PDE10A: variants seen among roughly 807,000 people sequenced by gnomAD.
PDE10A encodes the protein phosphodiesterase 10A.
A neutral mutation model predicts 97.7 loss-of-function variants in PDE10A; 39 were observed. The ratio of observed to expected loss-of-function variants is 0.40; its 90% CI spans 0.31 to 0.52. The LOEUF (loss-of-function observed/expected upper bound fraction) is 0.52, where lower values mean the gene tolerates loss of function less well. Ranked by LOEUF, PDE10A falls within the 20% of genes least tolerant of loss-of-function variation. PDE10A has a pLI of 0.56. For synonymous variants in PDE10A, 371 were observed against 376.8 expected, an observed-to-expected ratio of 0.98 and a Z score of 0.18; for missense variants, 731 against 1,047.8, an observed-to-expected ratio of 0.70 and a Z score of 4.17.
chr6:165,552,427 CTGTT>C (rs778407013), intron 1 of PDE10A, among the ~76,000 whole-genome samples: 79 of 152,332 alleles, frequency 5.2e-4, no homozygotes, highest in African/African-American at 1.7e-3. Flanking sequence ...TGTGCCTAGA[CTGTT>C]TGTGCATTTG....
chr6:165,419,083 G>C (rs1036600889), intron 10 of PDE10A, among the ~76,000 whole-genome samples: 5 of 152,138 alleles, frequency 3.3e-5, no homozygotes, highest in African/African-American at 1.2e-4. Context: ...GTTTTAGTTG[G>C]TAAGCAGCTG....
chr6:165,438,348 C>A (rs1003058561), intron 5 of PDE10A, among the ~76,000 whole-genome samples: 1 of 152,096 alleles, frequency 6.6e-6, no homozygotes, highest in Non-Finnish European at 1.5e-5. Flanking sequence ...GCCACCACGC[C>A]CAGCTAATTT....
intron 1 of PDE10A, among the ~76,000 whole-genome samples, chr6:165,825,016 G>T (rs1318332110): frequency 6.7e-6 from 1 of 150,212 alleles, no homozygotes; most frequent in Non-Finnish European, 1.5e-5. Flanking sequence ...GGGCATGGTG[G>T]CAGTCACCTG....
At chr6:165,346,176 G>A (rs1458016095) in intron 18 of PDE10A, among the ~76,000 whole-genome samples, 1 of 152,138 alleles carries the variant, frequency 6.6e-6, no homozygotes, top group Non-Finnish European at 1.5e-5. Context: ...GATCACTCAG[G>A]TCTGCTGGGT....
intron 17 of PDE10A, among the ~76,000 whole-genome samples, chr6:165,386,972 C>T (rs1283571122): frequency 2.0e-5 from 3 of 151,834 alleles, no homozygotes; most frequent in Non-Finnish European, 4.4e-5. Context: ...GCCCAGATCG[C>T]GCCACTGCAC....
intron 1 of PDE10A, among the ~76,000 whole-genome samples, chr6:165,738,143 C>T (rs939553712): frequency 2.7e-4 from 39 of 146,190 alleles, no homozygotes; most frequent in African/African-American, 9.1e-4. Flanking sequence ...GGTATATCTC[C>T]CAGTGCTATC....
intron 1 of PDE10A, among the ~76,000 whole-genome samples, chr6:165,826,943 G>A (rs1378710156): frequency 6.6e-6 from 1 of 151,982 alleles, no homozygotes; most frequent in African/African-American, 2.4e-5. Context: ...GGAAGGGGCA[G>A]GGAGGTAGGA....
rs574929005 is a variant in PDE10A, at chr6:165,824,244, A to T, written c.-615+163285T>A. Among the ~76,000 whole-genome samples the T allele has an allele frequency of 3.9e-4, 60 of 152,328 alleles. 1 individual carries two copies. Among genetic ancestry groups the T allele is most frequent in the African/African-American group, 1.4e-3 (58 of 41,570 alleles). On this transcript the variant is annotated intron_variant, in intron 1 of 19. Transcript: ENST00000366882. ...TTCATTAAAACTTGTGTTCACTAAA[A>T]CTTCTTAATAGCCGTTCAGTTTTCA... is the stretch of plus-strand genomic sequence containing the variant.
chr6:165,377,510 T>C (rs1784681034), intron 18 of PDE10A, among the ~76,000 whole-genome samples: 1 of 152,226 alleles, frequency 6.6e-6, no homozygotes, highest in Non-Finnish European at 1.5e-5. Flanking sequence ...ACCACGTATG[T>C]ACATGGGTAC....
At chr6:165,829,499 A>G (rs921437383) in intron 1 of PDE10A, among the ~76,000 whole-genome samples, 5 of 152,216 alleles carry the variant, frequency 3.3e-5, no homozygotes, top group African/African-American at 1.2e-4. Context: ...ATGAGGATGT[A>G]CTAAGATGAG....
intron 3 of PDE10A, among the ~76,000 whole-genome samples, chr6:165,466,699 C>G (rs1778672626): frequency 1.3e-5 from 2 of 152,134 alleles, no homozygotes; most frequent in African/African-American, 4.8e-5. Flanking sequence ...TAACTATTCT[C>G]CCATCTCCCC....
intron 1 of PDE10A, among the ~76,000 whole-genome samples, chr6:165,934,485 A>G (rs573376620): frequency 1.7e-3 from 260 of 151,876 alleles, no homozygotes; most frequent in Non-Finnish European, 3.0e-3. Context: ...ACAAAAAAAA[A>G]CCCTCTGGAT....
intron 1 of PDE10A, among the ~76,000 whole-genome samples, chr6:165,758,524 AGAAGAAGAG>A (rs1343594026): frequency 1.2e-3 from 181 of 146,214 alleles, no homozygotes; most frequent in African/African-American, 4.0e-3. Flanking sequence ...AAGAAGAAGA[AGAAGAAGAG>A]GAAGAGGAAG....
intron 1 of PDE10A, among the ~76,000 whole-genome samples, chr6:165,921,476 T>C (rs1474170823): frequency 2.0e-5 from 3 of 152,172 alleles, no homozygotes; most frequent in Non-Finnish European, 4.4e-5. Flanking sequence ...AATTTTAGAA[T>C]CATTTGATGT....
chr6:165,526,875 A>G (rs972069058), intron 2 of PDE10A, among the ~76,000 whole-genome samples: 2 of 152,210 alleles, frequency 1.3e-5, no homozygotes, highest in African/African-American at 2.4e-5. Flanking sequence ...CCTCAGGAGT[A>G]TATCACCTCT....
chr6:165,402,552 C>G (rs1295972678), intron 13 of PDE10A, among the ~76,000 whole-genome samples: 1 of 152,072 alleles, frequency 6.6e-6, no homozygotes, highest in Non-Finnish European at 1.5e-5. Context: ...GCCTATAACA[C>G]TGCGTAAATA....
Position 165,906,328 on chromosome 6 carries a change from T to C in PDE10A, c.-615+81201A>G, listed in dbSNP as rs115114097. On this transcript the variant is annotated intron_variant, in intron 1 of 19. Transcript: ENST00000366882. ...ATTTCACACTTTTCCCAGCCTCCTA[T>C]GAACTCACGTCCTGAGATCCTTTCT... 3.2e-3 allele frequency among the ~76,000 whole-genome samples: 482 copies of C among 151,986 alleles called. 2 individuals carry two copies. The highest frequency in any genetic ancestry group is 0.011 in the African/African-American group (460 of 41,480).
intron 1 of PDE10A, among the ~76,000 whole-genome samples, chr6:165,907,290 A>G (rs919009819): frequency 1.3e-5 from 2 of 152,176 alleles, no homozygotes; most frequent in Admixed American, 6.5e-5. Context: ...GGCCATCACC[A>G]CATCTCTTTC....
intron 1 of PDE10A, among the ~76,000 whole-genome samples, chr6:165,764,022 G>A (rs1458786913): frequency 6.6e-6 from 1 of 152,232 alleles, no homozygotes. Flanking sequence ...GTGGTGGAAT[G>A]AGTAGCAGGC....
Sources: gnomAD v4.1 joint callset for allele counts (sites outside exome capture counted in the v4.1 genomes callset) on GRCh38, gnomAD v4.1.1 for gene constraint, MANE v1.5 for transcripts, NCBI Gene and HGNC (gene_info 2026-07-23, HGNC 2026-07-21) for gene names.